Variants in TPD52L1 observed in about 807,000 individuals in gnomAD.
TPD52L1 encodes tumor protein D53.
A neutral mutation model predicts 28.7 loss-of-function variants in TPD52L1; 18 were observed. That is an observed-to-expected ratio of 0.63 (90% CI 0.43 to 0.93). The LOEUF (loss-of-function observed/expected upper bound fraction) is 0.93, where lower values mean the gene tolerates loss of function less well. Ranked by LOEUF, TPD52L1 falls within the 40% of genes least tolerant of loss-of-function variation. The pLI is 0.00. For synonymous variants in TPD52L1, 75 were observed against 88.8 expected, an observed-to-expected ratio of 0.84 and a Z score of 0.88; for missense variants, 203 against 254.8, an observed-to-expected ratio of 0.80 and a Z score of 1.39.
At chr6:125,235,449 G>A (rs1462858447) in intron 3 of TPD52L1, among the ~76,000 whole-genome samples, 1 of 152,122 alleles carries the variant, frequency 6.6e-6, no homozygotes, top group Non-Finnish European at 1.5e-5. Flanking sequence ...AACTCATAAT[G>A]ATTTAAGGAA....
At chr6:125,195,116 T>G (rs1793334939) in intron 1 of TPD52L1, among the ~76,000 whole-genome samples, 1 of 152,242 alleles carries the variant, frequency 6.6e-6, no homozygotes, top group Non-Finnish European at 1.5e-5. Context: ...AGGATACATA[T>G]AACATTTGTT....
chr6:125,184,874 A>T (rs771919773), intron 1 of TPD52L1, among the ~76,000 whole-genome samples: 1 of 152,222 alleles, frequency 6.6e-6, no homozygotes, highest in Non-Finnish European at 1.5e-5. Flanking sequence ...CAAGTGCACC[A>T]TTGCTACATT....
chr6:125,253,494 T>C (rs1797401646), intron 4 of TPD52L1: 4 of 541,020 alleles, frequency 7.4e-6, no homozygotes, highest in Non-Finnish European at 3.3e-6. Flanking sequence ...AGTAAAATAA[T>C]ATGCAACCAC....
intron 2 of TPD52L1, among the ~76,000 whole-genome samples, chr6:125,227,889 G>A (rs1011842184): frequency 2.0e-5 from 3 of 152,186 alleles, no homozygotes; most frequent in African/African-American, 7.2e-5. Context: ...TAGCACAGGG[G>A]AAAGAGGAAA....
intron 1 of TPD52L1, among the ~76,000 whole-genome samples, chr6:125,170,847 G>A (rs577971528): frequency 6.6e-5 from 10 of 152,224 alleles, no homozygotes; most frequent in East Asian, 1.9e-4. Context: ...TGAGCAGCTC[G>A]TAGGCTCACC....
intron 1 of TPD52L1, among the ~76,000 whole-genome samples, chr6:125,158,366 T>TA (rs1790277242): frequency 6.6e-6 from 1 of 151,780 alleles, no homozygotes. Flanking sequence ...CATTATACTT[T>TA]ACATTATACT....
At chr6:125,203,574 A>G (rs946993154) in intron 1 of TPD52L1, 91 of 947,164 alleles carry the variant, frequency 9.6e-5, no homozygotes, top group Non-Finnish European at 1.1e-4. Flanking sequence ...CATTGAAAGT[A>G]GAGCTGTTGT....
At chr6:125,206,761 A>G (rs1316549584) in intron 1 of TPD52L1, among the ~76,000 whole-genome samples, 1 of 152,194 alleles carries the variant, frequency 6.6e-6, no homozygotes, top group Non-Finnish European at 1.5e-5. Flanking sequence ...GCATGTTGAA[A>G]GCAATGTGTT....
intron 1 of TPD52L1, among the ~76,000 whole-genome samples, chr6:125,208,459 TC>T (rs1480034636): frequency 1.3e-5 from 2 of 152,012 alleles, no homozygotes; most frequent in African/African-American, 4.8e-5. Flanking sequence ...GATGGATAGT[TC>T]CCAGAAGGGA....
chr6:125,159,251 C>T (rs866441374), intron 1 of TPD52L1, among the ~76,000 whole-genome samples: 1 of 152,206 alleles, frequency 6.6e-6, no homozygotes, highest in Non-Finnish European at 1.5e-5. Context: ...ACTGCTTTAT[C>T]GACTAAATTT....
intron 1 of TPD52L1, among the ~76,000 whole-genome samples, chr6:125,169,235 A>C (rs922197939): frequency 6.6e-6 from 1 of 152,142 alleles, no homozygotes; most frequent in East Asian, 1.9e-4. Flanking sequence ...GCCTGCCCCA[A>C]GGATCCGTCC....
intron 1 of TPD52L1, chr6:125,154,261 T>G: frequency 8.2e-7 from 1 of 1,223,790 alleles, no homozygotes; most frequent in Non-Finnish European, 1.0e-6. Context: ...CCCCTGGCCT[T>G]CCCAACCTCG....
At chr6:125,173,398 T>C (rs1055673799) in intron 1 of TPD52L1, among the ~76,000 whole-genome samples, 1 of 152,198 alleles carries the variant, frequency 6.6e-6, no homozygotes, top group African/African-American at 2.4e-5. Context: ...TGTTTTCTGT[T>C]GTTCTCTGCC....
chr6:125,171,095 G>A (rs756812641), intron 1 of TPD52L1, among the ~76,000 whole-genome samples: 12 of 152,108 alleles, frequency 7.9e-5, no homozygotes, highest in Non-Finnish European at 1.3e-4. Context: ...GTGATTCCTC[G>A]ACCAGCATCA....
At chr6:125,236,907 A>G (rs1275770382) in intron 3 of TPD52L1, among the ~76,000 whole-genome samples, 3 of 152,208 alleles carry the variant, frequency 2.0e-5, no homozygotes, top group African/African-American at 7.2e-5. Context: ...GGTTGCTTTT[A>G]CAGTCTTCTC....
At chr6:125,165,184 A>G (rs189528353) in intron 1 of TPD52L1, among the ~76,000 whole-genome samples, 3 of 150,932 alleles carry the variant, frequency 2.0e-5, no homozygotes, top group Admixed American at 1.3e-4. Flanking sequence ...GAGTTACTAC[A>G]CAGTTAAGAA....
At chr6:125,237,395 A>T (rs1230891322) in intron 3 of TPD52L1, among the ~76,000 whole-genome samples, 1 of 152,170 alleles carries the variant, frequency 6.6e-6, no homozygotes, top group Non-Finnish European at 1.5e-5. Flanking sequence ...CTCCACATCT[A>T]TTCTGAAAGT....
chr6:125,157,717 C>A (rs952916097), intron 1 of TPD52L1, among the ~76,000 whole-genome samples: 12 of 152,308 alleles, frequency 7.9e-5, no homozygotes, highest in Non-Finnish European at 1.3e-4. Context: ...GTTGTTTTCA[C>A]CTTTCCCAAC....
chr6:125,170,015 G>T (rs984660954), intron 1 of TPD52L1, among the ~76,000 whole-genome samples: 5 of 152,060 alleles, frequency 3.3e-5, no homozygotes, highest in African/African-American at 1.2e-4. Flanking sequence ...TTCTGGGCCT[G>T]CTTCCTCACT....
Sources: gnomAD v4.1 joint callset for allele counts (sites outside exome capture counted in the v4.1 genomes callset) on GRCh38, gnomAD v4.1.1 for gene constraint, MANE v1.5 for transcripts, NCBI Gene and HGNC (gene_info 2026-07-23, HGNC 2026-07-21) for gene names.